Variants in SEMA3F observed in about 807,000 individuals in gnomAD.
SEMA3F encodes semaphorin-3F.
SEMA3F carries 30 observed loss-of-function variants against 98.5 expected under a neutral mutation model. The observed-to-expected ratio is 0.30, with a 90% CI of 0.23 to 0.41. The LOEUF (loss-of-function observed/expected upper bound fraction) is 0.41. Ranked by LOEUF, SEMA3F falls within the 10% of genes least tolerant of loss-of-function variation. The pLI is 1.00. For missense variants in SEMA3F, 866 were observed against 1,119.3 expected (o/e 0.77, Z 3.23); for synonymous variants, 380 against 444.8 (o/e 0.85, Z 1.83).
At chr3:50,179,151 G>T (rs1027108307) in intron 7 of SEMA3F, among the ~76,000 whole-genome samples, 2 of 151,944 alleles carry the variant, frequency 1.3e-5, no homozygotes, top group Non-Finnish European at 2.9e-5. Flanking sequence ...AAGGGCCCTA[G>T]GGTTCTTGGA....
At chr3:50,164,400 C>T (rs936541335) in intron 2 of SEMA3F, among the ~76,000 whole-genome samples, 1 of 152,218 alleles carries the variant, frequency 6.6e-6, no homozygotes, top group Non-Finnish European at 1.5e-5. Context: ...CATCTTTCAC[C>T]CTGCAGCTTG....
At position 50,157,186 on chromosome 3, in the gene SEMA3F, G is replaced by A. The variant is rs146555027; in HGVS notation, c.-49+1622G>A. Among the ~76,000 whole-genome samples, 836 of 151,824 alleles carry A rather than the reference G, an allele frequency of 5.5e-3. 3 individuals carry two copies. Among genetic ancestry groups the A allele is most frequent in the Non-Finnish European group, 9.6e-3 (650 of 67,928 alleles). On this transcript the variant is annotated intron_variant, in intron 1 of 18. Transcript: ENST00000002829. ...CCCACCCCCAACTCCAAGCCTGGGCGGTCTGGATCCGGCTGTACAGTTTGG... is the reference window on the plus strand; with the variant it reads ...CCCACCCCCAACTCCAAGCCTGGGCAGTCTGGATCCGGCTGTACAGTTTGG...
chr3:50,161,142 C>T (rs1004882569), intron 2 of SEMA3F, among the ~76,000 whole-genome samples: 1 of 152,160 alleles, frequency 6.6e-6, no homozygotes, highest in Non-Finnish European at 1.5e-5. Flanking sequence ...TGTCTCCTCC[C>T]CCGATAGTGG....
rs777134071 is a variant in SEMA3F, at chr3:50,185,947, A to C, written c.1646A>C (p.Gln549Pro). The C allele has an allele frequency of 6.2e-7, 1 of 1,614,032 alleles. No individual in the cohort carries two copies. The highest frequency in any genetic ancestry group is 1.1e-5 in the South Asian group (1 of 91,086). The change falls in exon 16 of 19, where the codon CAG becomes CCG. Residue 549 changes from glutamine (Q) to proline (P), a missense_variant. By Grantham distance (76) the Gln-to-Pro change is moderately conservative. This residue lies in a region of SEMA3F where 374 missense variants were observed against 582.8 expected (regional missense o/e 0.64). Transcript: ENST00000002829. ...ACACACCTGAGCCTGCACCGCTGCC[A>C]GGCGTATGGGGCTGCCTGTGCTGAC... The part of the protein sequence containing the change: ...GVTHLSLHRC[Q>P]AYGAACADCC...
rs778088955 is a variant in SEMA3F, at chr3:50,184,614, C to T, written c.1256C>T (p.Pro419Leu). The T allele has an allele frequency of 6.2e-7, 1 of 1,613,808 alleles. No homozygotes were observed. Among genetic ancestry groups the T allele is most frequent in the South Asian group, 1.1e-5 (1 of 91,078 alleles). ...PGTCPGGTFT[P>L]SMKSTKDYPD... ...CAGTGCCCTGGTGGAACCTTCACGC[C>T]ATCTATGAAGTCCACCAAGGATTAT... The change falls in exon 13 of 19, where the codon CCA becomes CTA. Residue 419 changes from proline (P) to leucine (L), a missense_variant. By Grantham distance (98) the Pro-to-Leu change is moderately conservative. Transcript: ENST00000002829.
Position 50,187,876 on chromosome 3 carries a change from T to A in SEMA3F, c.2119T>A (p.Phe707Ile). 1.2e-6 allele frequency: 2 copies of A among 1,612,250 alleles called. No homozygotes were observed. The highest frequency in any genetic ancestry group is 1.7e-6 in the Non-Finnish European group (2 of 1,179,274). Residue 707 changes from phenylalanine to isoleucine, a missense_variant, in exon 19 of 19, where the codon TTC becomes ATC. Physicochemically the swap from Phe to Ile is conservative, Grantham distance 21. Coordinates refer to ENST00000002829, the MANE Select transcript of SEMA3F (RefSeq NM_004186.5). The part of the protein sequence containing the change: ...LGRDAVHAAL[F>I]PPLSMSAPPP... ...CCGGGACGCCGTCCATGCTGCCCTC[T>A]TCCCACCACTGTCCATGAGCGCCCC...
intron 2 of SEMA3F, among the ~76,000 whole-genome samples, chr3:50,168,658 G>A (rs924515953): frequency 6.6e-6 from 1 of 152,190 alleles, no homozygotes; most frequent in Non-Finnish European, 1.5e-5. Flanking sequence ...TGAGAGCCAG[G>A]GGGCCAGCCC....
rs1001354317 is a variant in SEMA3F at position 50,166,833 on chromosome 3, G to C, written c.113-6960G>C. On this transcript the variant is annotated intron_variant, in intron 2 of 18. Coordinates refer to ENST00000002829, the MANE Select transcript of SEMA3F (RefSeq NM_004186.5). The surrounding 1 kb of genome is among the most constrained non-coding windows in gnomAD (Gnocchi z 4.7). ...AGCCATGGAGAGTTTGTTGTCTTTT[G>C]CAGTCATGGGGAGGAGGAGGTGGTG... Among the ~76,000 whole-genome samples the C allele has an allele frequency of 6.6e-6, 1 of 152,098 alleles. No individual in the cohort carries two copies. Among genetic ancestry groups the C allele is most frequent in the African/African-American group, 2.4e-5 (1 of 41,410 alleles).
At position 50,183,172 on chromosome 3, in the gene SEMA3F, C is replaced by A; in HGVS notation, c.1019-14C>A. ...CCCATGGCACCCTCCAACACCTTCT[C>A]CCTCTGTCCCCAGAGGACGTGTTTG... is the stretch of plus-strand genomic sequence containing the variant. On this transcript the variant is annotated splice_polypyrimidine_tract_variant and intron_variant, in intron 10 of 18. Transcript: ENST00000002829. The A allele has an allele frequency of 6.2e-7, 1 of 1,613,446 alleles. No homozygotes were observed. Among genetic ancestry groups the A allele is most frequent in the Non-Finnish European group, 8.5e-7 (1 of 1,179,464 alleles).
Position 50,166,168 on chromosome 3 carries a change from G to A in SEMA3F, c.112+6434G>A, listed in dbSNP as rs1217306945. 4.4e-5 allele frequency among the ~76,000 whole-genome samples: 6 copies of A among 135,092 alleles called. No individual in the cohort carries two copies. Among genetic ancestry groups the A allele is most frequent in the South Asian group, 2.4e-4 (1 of 4,166 alleles). The allele number at this position is 135,092 out of a possible 152,430, so 88.6% of individuals were successfully genotyped here. On this transcript the variant is annotated intron_variant, in intron 2 of 18. Coordinates refer to ENST00000002829, the MANE Select transcript of SEMA3F (RefSeq NM_004186.5). This position sits in a 1 kb window ranked among gnomAD's most constrained non-coding sequence, Gnocchi z 4.7. ...TGCCACCCCTCTTGGCTTCCTACCC[G>A]GACATGCTCTTTCCTCGGACGTCTC...
chr3:50,168,689 G>T (rs1698496728), intron 2 of SEMA3F, among the ~76,000 whole-genome samples: 1 of 152,116 alleles, frequency 6.6e-6, no homozygotes, highest in Non-Finnish European at 1.5e-5. Flanking sequence ...CCTTCCTCTG[G>T]GGCTCCTCAC....
At position 50,166,074 on chromosome 3, in the gene SEMA3F, G is replaced by C. The variant is rs572455268; in HGVS notation, c.112+6340G>C. 6.6e-6 allele frequency among the ~76,000 whole-genome samples: 1 copy of C among 152,008 alleles called. No homozygotes were observed. The highest frequency in any genetic ancestry group is 2.4e-5 in the African/African-American group (1 of 41,360). On this transcript the variant is annotated intron_variant, in intron 2 of 18. Transcript: ENST00000002829. This position sits in a 1 kb window ranked among gnomAD's most constrained non-coding sequence, Gnocchi z 4.7. ...CCAGGGATCAGGAAGCCTCAGCTCC[G>C]GATCCCCCTTCCCCCACTCTTCTTC...
rs1422518800 is a variant in SEMA3F, at chr3:50,185,883, C to A, written c.1588-6C>A. 1.2e-6 allele frequency: 2 copies of A among 1,609,456 alleles called. No homozygotes were observed. The highest frequency in any genetic ancestry group is 1.7e-6 in the Non-Finnish European group (2 of 1,176,888). The stretch of plus-strand genomic sequence containing the variant: ...GGAACTGACAAGGCCCTACCCTTTG[C>A]CCCAGCAACAACTCTACGTGGCGTC... On this transcript the variant is annotated splice_region_variant and splice_polypyrimidine_tract_variant and intron_variant, in intron 15 of 18. Coordinates refer to ENST00000002829, the MANE Select transcript of SEMA3F (RefSeq NM_004186.5).
chr3:50,188,174 G>GATATATATAT lies in SEMA3F; in HGVS notation c.*75_*84dup, dbSNP rs59949761. ...AGCCCTTGTCCCTTTTAATATAAAA[G>GATATATATAT]ATATATATATATATATATATATATA... On this transcript the variant is annotated 3_prime_UTR_variant, in exon 19 of 19. Coordinates refer to ENST00000002829, the MANE Select transcript of SEMA3F (RefSeq NM_004186.5). The surrounding 1 kb of genome is among the most constrained non-coding windows in gnomAD (Gnocchi z 4.5). 148 of 299,228 alleles carry GATATATATAT rather than the reference G, an allele frequency of 4.9e-4. 1 individual carries two copies. Among genetic ancestry groups the GATATATATAT allele is most frequent in the East Asian group, 1.5e-3 (20 of 13,520 alleles). 18.5% of individuals were successfully genotyped at this position (299,228 alleles called of 1,614,324 possible). A position where few individuals can be genotyped will look rare whatever the true frequency, so the allele number is the denominator to read the frequency against.
Position 50,174,216 on chromosome 3 carries a change from TCCCTGTGG to T in SEMA3F, c.337-11_337-4del, listed in dbSNP as rs1179916094. 2 of 1,613,550 alleles carry T rather than the reference TCCCTGTGG, an allele frequency of 1.2e-6. No individual in the cohort carries two copies. The highest frequency in any genetic ancestry group is 1.7e-6 in the Non-Finnish European group (2 of 1,179,890). ...CCTGGCCAGGGCACCTATGCAGCCTTCCCTGTGGCCCCAGGGCGAGTGTGGGAACTTCG... is the reference window on the plus strand; with the variant it reads ...CCTGGCCAGGGCACCTATGCAGCCTTCCCCAGGGCGAGTGTGGGAACTTCG... On this transcript the variant is annotated splice_polypyrimidine_tract_variant and splice_region_variant and intron_variant, in intron 4 of 18. Coordinates refer to ENST00000002829, the MANE Select transcript of SEMA3F (RefSeq NM_004186.5).
chr3:50,186,288 C>A lies in SEMA3F; in HGVS notation c.1753C>A (p.Arg585Ser). 1 of 1,613,684 alleles carries A rather than the reference C, an allele frequency of 6.2e-7. No homozygotes were observed. Among genetic ancestry groups the A allele is most frequent in the Non-Finnish European group, 8.5e-7 (1 of 1,179,942 alleles). Residue 585 changes from arginine (R) to serine (S), a missense_variant, in exon 17 of 19, where the codon CGC (arginine) becomes AGC (serine). Transcript: ENST00000002829. ...GGGGCTATCCTCATCCAGGCGGAGC[C>A]GCCGGCAGGACGTCCGGCACGGAAA... ...RYTASSKRRS[R>S]RQDVRHGNPI...
intron 18 of SEMA3F, 74 bp from the exon 19 acceptor site, chr3:50,187,631 G>A: frequency 7.6e-7 from 1 of 1,322,620 alleles, no homozygotes; most frequent in Non-Finnish European, 1.0e-6. Context: ...CCACAAAGGT[G>A]GTCTGATCTG....
At chr3:50,186,433 T>A in intron 17 of SEMA3F, 85 bp downstream of exon 17, 1 of 1,471,724 alleles carries the variant, frequency 6.8e-7, no homozygotes, top group Non-Finnish European at 9.4e-7. Context: ...GGGCCCCCAC[T>A]GTAAGGGTGC....
intron 1 of SEMA3F, chr3:50,159,275 C>T (rs1158356492): frequency 4.3e-6 from 1 of 230,106 alleles, no homozygotes; most frequent in African/African-American, 2.3e-5. Context: ...TGGAAAGAGC[C>T]CTAAGATCAC....
Sources: gnomAD v4.1 joint callset for allele counts (sites outside exome capture counted in the v4.1 genomes callset) on GRCh38, gnomAD v4.1.1 for gene constraint, gnomAD v4.1.1 regional missense constraint, Gnocchi (gnomAD v3.1) non-coding constraint, MANE v1.5 for transcripts, NCBI Gene and HGNC (gene_info 2026-07-23, HGNC 2026-07-21) for gene names.